IL1RAPL1: variants seen among roughly 807,000 people sequenced by gnomAD.
IL1RAPL1 encodes the protein interleukin-1 receptor accessory protein-like 1.
IL1RAPL1 carries 3 observed loss-of-function variants against 48.4 expected under a neutral mutation model. The ratio of observed to expected loss-of-function variants is 0.06; its 90% CI spans 0.03 to 0.16. The LOEUF (loss-of-function observed/expected upper bound fraction) is 0.16, where lower values mean the gene tolerates loss of function less well. Among genes scored for constraint, IL1RAPL1 ranks in the 10% least tolerant of loss-of-function variants. IL1RAPL1 has a pLI of 1.00. For synonymous variants in IL1RAPL1, 185 were observed against 187.7 expected (o/e 0.99, Z 0.12); for missense variants, 349 against 530.6 (o/e 0.66, Z 3.36).
At chrX:29,322,918 C>T (rs762197841) in intron 3 of IL1RAPL1, among the ~76,000 whole-genome samples, 1 of 111,949 alleles carries the variant, frequency 8.9e-6, no homozygotes, top group East Asian at 2.8e-4. Context: ...CTATTCAACC[C>T]TTCTCAACCT....
intron 2 of IL1RAPL1, among the ~76,000 whole-genome samples, chrX:29,145,368 A>G (rs754842003): frequency 8.0e-5 from 9 of 112,436 alleles, no homozygotes; most frequent in African/African-American, 2.9e-4. Context: ...TCTTTGTTCC[A>G]TGCCAAAAAT....
At chrX:28,811,481 G>T (rs1936792862) in intron 2 of IL1RAPL1, among the ~76,000 whole-genome samples, 1 of 110,561 alleles carries the variant, frequency 9.0e-6, no homozygotes, top group Non-Finnish European at 1.9e-5. Context: ...GGTTGTTGAA[G>T]TTGGAATTTA....
chrX:28,923,602 A>G (rs758325701), intron 2 of IL1RAPL1, among the ~76,000 whole-genome samples: 3 of 111,567 alleles, frequency 2.7e-5, no homozygotes, highest in South Asian at 7.4e-4. Flanking sequence ...CTGAAATAAA[A>G]TGGAGTGATA....
At chrX:29,415,936 A>G (rs1344406944) in intron 5 of IL1RAPL1, among the ~76,000 whole-genome samples, 1 of 112,234 alleles carries the variant, frequency 8.9e-6, no homozygotes, top group Non-Finnish European at 1.9e-5. Context: ...AGAATCAACA[A>G]TTGAGTCACT....
At chrX:29,472,521 C>T (rs1030666292) in intron 5 of IL1RAPL1, among the ~76,000 whole-genome samples, 1 of 112,046 alleles carries the variant, frequency 8.9e-6, no homozygotes, top group Non-Finnish European at 1.9e-5. Flanking sequence ...TTTATTTACC[C>T]TGAATATATA....
chrX:29,356,445 CTA>C (rs1451573628), intron 3 of IL1RAPL1, among the ~76,000 whole-genome samples: 5 of 80,238 alleles, frequency 6.2e-5, no homozygotes, highest in Admixed American at 5.7e-4. Flanking sequence ...TTACTAAGCA[CTA>C]TGTTTTAAAG....
chrX:28,975,554 A>C (rs997767252), intron 2 of IL1RAPL1, among the ~76,000 whole-genome samples: 12 of 111,800 alleles, frequency 1.1e-4, no homozygotes, highest in African/African-American at 3.6e-4. Flanking sequence ...AAAATTGAGC[A>C]ACTTTCTAAC....
chrX:29,550,241 G>A (rs905175984), intron 5 of IL1RAPL1, among the ~76,000 whole-genome samples: 1 of 110,756 alleles, frequency 9.0e-6, no homozygotes, highest in Non-Finnish European at 1.9e-5. Context: ...GCCCAGGCTG[G>A]AGTGCAGTGG....
chrX:28,909,227 A>T (rs1365001089), intron 2 of IL1RAPL1, among the ~76,000 whole-genome samples: 1 of 111,435 alleles, frequency 9.0e-6, no homozygotes, highest in Non-Finnish European at 1.9e-5. Context: ...TCATATTTGT[A>T]ACTGTTTTCT....
At chrX:28,936,696 T>C (rs143154115) in intron 2 of IL1RAPL1, among the ~76,000 whole-genome samples, 242 of 111,117 alleles carry the variant, frequency 2.2e-3, no homozygotes, top group African/African-American at 7.6e-3. Flanking sequence ...CTCCCTGATA[T>C]ACCACAATGG....
chrX:29,025,703 C>T (rs903168917), intron 2 of IL1RAPL1, among the ~76,000 whole-genome samples: 5 of 111,340 alleles, frequency 4.5e-5, no homozygotes, highest in Admixed American at 3.8e-4. Flanking sequence ...TTTAAAAATA[C>T]ACTCCTTCTT....
chrX:28,818,193 C>A (rs1005308040), intron 2 of IL1RAPL1, among the ~76,000 whole-genome samples: 1 of 110,730 alleles, frequency 9.0e-6, no homozygotes, highest in African/African-American at 3.3e-5. Context: ...GAAAGCATAG[C>A]TTTAGATTTA....
intron 8 of IL1RAPL1, among the ~76,000 whole-genome samples, chrX:29,925,700 G>A (rs1437711413): frequency 9.4e-6 from 1 of 106,307 alleles, no homozygotes; most frequent in Non-Finnish European, 1.9e-5. Flanking sequence ...ACTACACCTG[G>A]CTATTTAAAA....
intron 2 of IL1RAPL1, among the ~76,000 whole-genome samples, chrX:29,040,364 C>G (rs1235003499): frequency 8.9e-6 from 1 of 112,117 alleles, no homozygotes; most frequent in Non-Finnish European, 1.9e-5. Flanking sequence ...CCAGCTGCTT[C>G]TCAAAACATT....
chrX:29,366,679 C>T (rs771589926), intron 3 of IL1RAPL1, among the ~76,000 whole-genome samples: 105 of 102,911 alleles, frequency 1.0e-3, no homozygotes, highest in Non-Finnish European at 1.7e-3. Context: ...TGCCATTCTC[C>T]TGCCTCAGCC....
chrX:28,750,735 T>G (rs969608465), intron 1 of IL1RAPL1, among the ~76,000 whole-genome samples: 3 of 111,893 alleles, frequency 2.7e-5, no homozygotes, highest in African/African-American at 9.7e-5. Flanking sequence ...AAGCCATACA[T>G]TTTTTCTTTA....
intron 2 of IL1RAPL1, among the ~76,000 whole-genome samples, chrX:29,261,695 A>G (rs1931863403): frequency 9.0e-6 from 1 of 110,823 alleles, no homozygotes; most frequent in Non-Finnish European, 1.9e-5. Context: ...CACACGGAGC[A>G]GACAGACTCT....
intron 6 of IL1RAPL1, among the ~76,000 whole-genome samples, chrX:29,751,344 C>A (rs190112402): frequency 8.8e-4 from 98 of 111,419 alleles, no homozygotes; most frequent in Non-Finnish European, 1.6e-3. Flanking sequence ...AAATAAATAA[C>A]TGCTTATCAT....
At chrX:28,792,816 A>AAATAT (rs1936562170) in intron 2 of IL1RAPL1, among the ~76,000 whole-genome samples, 1 of 10,109 alleles carries the variant, frequency 9.9e-5, no homozygotes, top group East Asian at 2.8e-3. Flanking sequence ...AAAAAAAAAA[A>AAATAT]ATATATATAT....
Sources: allele counts gnomAD v4.1 joint callset (sites outside exome capture counted in the v4.1 genomes callset), GRCh38; gene constraint gnomAD v4.1.1; transcripts MANE v1.5; gene names NCBI Gene and HGNC (gene_info 2026-07-23, HGNC 2026-07-21).